The following TECPR1 variants were observed in gnomAD, a reference collection of about 807,000 sequenced individuals.
The protein encoded by TECPR1 is tectonin beta-propeller repeat containing 1, also known as tectonin beta-propeller repeat-containing protein 1.
Under a neutral mutation model 162.4 loss-of-function variants are expected in TECPR1, and 122 were observed. That is an observed-to-expected ratio of 0.75 (90% CI 0.65 to 0.87). The LOEUF (loss-of-function observed/expected upper bound fraction) is 0.87, where lower values mean the gene tolerates loss of function less well. Among genes scored for constraint, TECPR1 ranks in the 40% least tolerant of loss-of-function variants. TECPR1 has a pLI of 0.00. For synonymous variants in TECPR1, 642 were observed against 670.6 expected, an observed-to-expected ratio of 0.96 and a Z score of 0.66; for missense variants, 1,432 against 1,618.2, an observed-to-expected ratio of 0.88 and a Z score of 1.97.
chr7:98,233,554 G>A lies in TECPR1; in HGVS notation c.1539C>T (p.Ser513=), dbSNP rs1483598148. 1 of 1,595,992 alleles carries A rather than the reference G, an allele frequency of 6.3e-7. No homozygotes were observed. The highest frequency in any genetic ancestry group is 1.8e-5 in the Admixed American group (1 of 56,138). The change falls in exon 11 of 26, where the codon TCC becomes TCT. Residue 513 remains serine (S), a synonymous_variant. Coordinates refer to ENST00000447648, the MANE Select transcript of TECPR1 (RefSeq NM_015395.3). ...AGCCCAGTGGGAGGAGCCCCAGAGA[G>A]GAGAGGCTGGTGGTCTCGGGGAAGC... is the stretch of plus-strand genomic sequence containing the variant. The part of the protein sequence containing the change: ...AAGFPETTSL[S]SLGLLPLGLE...
At chr7:98,236,960 A>G (rs1272349056) in intron 9 of TECPR1, 39 bp from the exon 10 acceptor site, 3 of 1,491,114 alleles carry the variant, frequency 2.0e-6, no homozygotes, top group African/African-American at 1.4e-5. Context: ...ATCTGGGCGC[A>G]GGCCCGGGGG....
chr7:98,222,061 A>G (rs1798156321), intron 22 of TECPR1, among the ~76,000 whole-genome samples: 1 of 152,216 alleles, frequency 6.6e-6, no homozygotes, highest in Admixed American at 6.5e-5. Context: ...GCTGAGTACC[A>G]GCGTCCCCGT....
chr7:98,236,992 G>A, intron 9 of TECPR1, 71 bp from the exon 10 acceptor site: 2 of 1,432,284 alleles, frequency 1.4e-6, no homozygotes, highest in Non-Finnish European at 1.8e-6. Flanking sequence ...TCCTAGGGGT[G>A]CAAAATGCAG....
intron 17 of TECPR1, 67 bp from the exon 18 acceptor site, chr7:98,225,169 C>T: frequency 7.2e-7 from 1 of 1,388,228 alleles, no homozygotes; most frequent in Non-Finnish European, 9.9e-7. Context: ...TCAGACACCC[C>T]CATAACACCC....
At chr7:98,217,878 G>A (rs1798054233) in intron 24 of TECPR1, 58 bp downstream of exon 24, 1 of 1,544,628 alleles carries the variant, frequency 6.5e-7, no homozygotes, top group South Asian at 1.2e-5. Context: ...TGGGATGGGG[G>A]AGACCAGAGA....
rs565055499 is a variant in TECPR1, at chr7:98,225,472, T to C, written c.2514-370A>G. Among the ~76,000 whole-genome samples the C allele has an allele frequency of 1.1e-3, 172 of 151,000 alleles. 1 individual carries two copies. The highest frequency in any genetic ancestry group is 4.1e-3 in the African/African-American group (168 of 41,188). ...ATCGCTTGAACCCGGGAGGCGGAGG[T>C]TGCAGTGAGCGGAGATCGTGCCACT... On this transcript the variant is annotated intron_variant, in intron 17 of 25. Transcript: ENST00000447648.
chr7:98,240,063 T>C (rs941590085), intron 8 of TECPR1, among the ~76,000 whole-genome samples: 5 of 151,370 alleles, frequency 3.3e-5, no homozygotes, highest in Admixed American at 1.3e-4. Flanking sequence ...GAGCAGAGAT[T>C]GCGCCACTGC....
chr7:98,226,619 C>A, intron 17 of TECPR1: 3 of 1,048,248 alleles, frequency 2.9e-6, no homozygotes, highest in Non-Finnish European at 3.5e-6. Flanking sequence ...GTGTTTATTT[C>A]GTCAATTTGG....
Position 98,215,532 on chromosome 7 carries a change from A to G in TECPR1, c.*1858T>C, listed in dbSNP as rs1245184488. On this transcript the variant is annotated 3_prime_UTR_variant, in exon 26 of 26. Transcript: ENST00000447648. ...CACGGACACTCCAGGGGAAATGCTTATTGAGTAAAGTATCCGAGGAAGTGA... is the reference window on the plus strand; with the variant it reads ...CACGGACACTCCAGGGGAAATGCTTGTTGAGTAAAGTATCCGAGGAAGTGA... 1 of 152,256 alleles carries G rather than the reference A, an allele frequency of 6.6e-6. No homozygotes were observed. Among genetic ancestry groups the G allele is most frequent in the Non-Finnish European group, 1.5e-5 (1 of 68,040 alleles). The allele number at this position is 152,256 out of a possible 1,614,324, so 9.4% of individuals were successfully genotyped here. A position where few individuals can be genotyped will look rare whatever the true frequency, so the allele number is the denominator to read the frequency against.
rs1310162427 is a variant in TECPR1, at chr7:98,217,411, G to A, written c.3477C>T (p.Ala1159=). The change falls in exon 26 of 26, where the codon GCC becomes GCT. Residue 1159 remains alanine (A), a synonymous_variant. Transcript: ENST00000447648. Reference sequence around the variant, plus strand: ...GGCCTCAGCAGCAGACGGGGCCATGGGCCTCTGGTGGGGCACTCGGCTCCT... The same window carrying A: ...GGCCTCAGCAGCAGACGGGGCCATGAGCCTCTGGTGGGGCACTCGGCTCCT... ...QEQEPSAPPE[A]HGPVCC is the part of the protein sequence containing the mutation. 13 of 1,601,240 alleles carry A rather than the reference G, an allele frequency of 8.1e-6. No homozygotes were observed. The highest frequency in any genetic ancestry group is 1.7e-5 in the Admixed American group (1 of 59,014).
At chr7:98,242,970 A>ATCCATCCATCTG (rs1798801909) in intron 6 of TECPR1, among the ~76,000 whole-genome samples, 5 of 88,648 alleles carry the variant, frequency 5.6e-5, no homozygotes, top group Admixed American at 1.3e-4. Flanking sequence ...CCACACATCC[A>ATCCATCCATCTG]CCCACACCCA....
At chr7:98,239,014 T>A (rs904812336) in intron 8 of TECPR1, among the ~76,000 whole-genome samples, 1 of 152,248 alleles carries the variant, frequency 6.6e-6, no homozygotes, top group Non-Finnish European at 1.5e-5. Context: ...ACAAGACCCC[T>A]ATTTTGGGTC....
intron 8 of TECPR1, among the ~76,000 whole-genome samples, chr7:98,239,546 C>G (rs1798692952): frequency 6.6e-6 from 1 of 152,008 alleles, no homozygotes; most frequent in South Asian, 2.1e-4. Context: ...CGGAACGAGA[C>G]TCTGTCTCAA....
Position 98,232,972 on chromosome 7 carries a change from C to T in TECPR1, c.1673G>A (p.Gly558Asp). The T allele has an allele frequency of 6.2e-7, 1 of 1,604,920 alleles. No homozygotes were observed. Among genetic ancestry groups the T allele is most frequent in the Non-Finnish European group, 8.5e-7 (1 of 1,175,394 alleles). ...CAGCATGTGTACCGAGGAGGACAGG[C>T]CTGTGGGGCAGAGAGAGCCTCAGGG... ...AMPRWFTVQAGLSSSVHMLSL... is the reference protein window; with the variant it reads ...AMPRWFTVQADLSSSVHMLSL... Residue 558 changes from glycine to aspartate, a missense_variant and splice_region_variant, in exon 12 of 26, where the codon GGC (glycine) becomes GAC (aspartate). Coordinates refer to ENST00000447648, the MANE Select transcript of TECPR1 (RefSeq NM_015395.3). The surrounding 1 kb of genome is among the most constrained non-coding windows in gnomAD (Gnocchi z 4.6).
At chr7:98,221,580 G>A (rs1460197044) in intron 23 of TECPR1, 81 bp downstream of exon 23, 2 of 1,285,296 alleles carry the variant, frequency 1.6e-6, no homozygotes, top group Non-Finnish European at 2.2e-6. Flanking sequence ...GCTGGCCTCG[G>A]CCTCCCAAAG....
Position 98,231,284 on chromosome 7 carries a change from C to T in TECPR1, c.2064G>A (p.Arg688=), listed in dbSNP as rs1798428264. ...GACGCACCGGCCACCTCTGCCGTGT[C>T]CGCTCAGGGGTGTACAGGGCAAAGG... is the stretch of plus-strand genomic sequence containing the variant. ...KHSFALYTPE[R]TRQRWPVRLA... is the part of the protein sequence containing the mutation. The change falls in exon 14 of 26, where the codon CGG becomes CGA. Residue 688 remains arginine, a synonymous_variant. Transcript: ENST00000447648. The T allele has an allele frequency of 6.2e-7, 1 of 1,612,962 alleles. No homozygotes were observed. Among genetic ancestry groups the T allele is most frequent in the African/African-American group, 1.3e-5 (1 of 74,906 alleles).
At chr7:98,220,684 G>T (rs969917886) in intron 23 of TECPR1, among the ~76,000 whole-genome samples, 1 of 151,730 alleles carries the variant, frequency 6.6e-6, no homozygotes, top group East Asian at 2.0e-4. Flanking sequence ...TCAGCCTCCC[G>T]ATTAGCTTGG....
intron 15 of TECPR1, among the ~76,000 whole-genome samples, 168 bp from the exon 16 acceptor site, chr7:98,229,334 C>T (rs1479875380): frequency 5.9e-5 from 9 of 152,192 alleles, no homozygotes; most frequent in Admixed American, 2.0e-4. Flanking sequence ...TATTAATCAA[C>T]GCTAAAAAGA....
intron 8 of TECPR1, among the ~76,000 whole-genome samples, chr7:98,238,888 G>A (rs1445040939): frequency 1.3e-5 from 2 of 152,182 alleles, no homozygotes; most frequent in African/African-American, 4.8e-5. Flanking sequence ...CCATTCTCCA[G>A]CCTAACGCTT....
Sources: allele counts gnomAD v4.1 joint callset (sites outside exome capture counted in the v4.1 genomes callset), GRCh38; gene constraint gnomAD v4.1.1; non-coding constraint Gnocchi (gnomAD v3.1); transcripts MANE v1.5; gene names NCBI Gene and HGNC (gene_info 2026-07-23, HGNC 2026-07-21).